EZH1: variants seen among roughly 807,000 people sequenced by gnomAD.
The protein encoded by EZH1 is histone-lysine N-methyltransferase EZH1.
In EZH1, 33 loss-of-function variants were observed where a neutral mutation model predicts 100.5. The observed-to-expected ratio is 0.33, with a 90% CI of 0.25 to 0.44. The LOEUF (loss-of-function observed/expected upper bound fraction) is 0.44, where lower values mean the gene tolerates loss of function less well. Ranked by LOEUF, EZH1 falls within the 20% of genes least tolerant of loss-of-function variation. The pLI, the probability that EZH1 is intolerant of heterozygous loss-of-function variation, is 1.00. For missense variants in EZH1, 475 were observed against 928.4 expected, an observed-to-expected ratio of 0.51 and a Z score of 6.35; for synonymous variants, 272 against 313.8, an observed-to-expected ratio of 0.87 and a Z score of 1.41.
At chr17:42,720,552 C>T in intron 6 of EZH1, 103 bp from the exon 7 acceptor site, 1 of 976,958 alleles carries the variant, frequency 1.0e-6, no homozygotes, top group Non-Finnish European at 1.5e-6. Context: ...AGATATGTCA[C>T]ATGTGTACAT....
intron 7 of EZH1, 47 bp downstream of exon 7, chr17:42,720,226 T>C (rs917877982): frequency 1.9e-6 from 3 of 1,567,538 alleles, no homozygotes; most frequent in Non-Finnish European, 2.6e-6. Flanking sequence ...CCTTCTTCCC[T>C]ATCCCTGTCA....
At chr17:42,725,822 A>C (rs1206020565) in intron 4 of EZH1, among the ~76,000 whole-genome samples, 2 of 152,214 alleles carry the variant, frequency 1.3e-5, no homozygotes, top group African/African-American at 4.8e-5. Context: ...AAAGTGGTAT[A>C]GAAATTATAG....
At chr17:42,711,152 A>G (rs1414392030) in intron 12 of EZH1, among the ~76,000 whole-genome samples, 1 of 151,990 alleles carries the variant, frequency 6.6e-6, no homozygotes, top group Non-Finnish European at 1.5e-5. Context: ...CCTGGCCAAC[A>G]TGGTGAAACC....
At chr17:42,714,677 GAA>G in intron 10 of EZH1, 1 of 240,536 alleles carries the variant, frequency 4.2e-6, no homozygotes. Context: ...TAATAAAAAT[GAA>G]AAAAAAATAA....
intron 5 of EZH1, among the ~76,000 whole-genome samples, chr17:42,723,387 G>C (rs2053755550): frequency 7.2e-6 from 1 of 139,438 alleles, no homozygotes. Flanking sequence ...AAAAAAAAAA[G>C]TTTCATAAGT....
intron 17 of EZH1, 50 bp from the exon 18 acceptor site, chr17:42,704,733 G>T (rs2053316009): frequency 6.7e-7 from 1 of 1,492,378 alleles, no homozygotes; most frequent in Non-Finnish European, 9.3e-7. Context: ...GCCTGCTCAG[G>T]GCATGGTACC....
Position 42,719,172 on chromosome 17 carries a change from C to T in EZH1, c.700G>A (p.Asp234Asn). ...GAGGCAATTGCACTGAAGATCATGT[C>T]ATTTGGGAACTGTTTCTTGGAACTC... The part of the protein sequence containing the change: ...KKSSKKQFPN[D>N]MIFSAIASMF... Residue 234 changes from aspartate (D) to asparagine (N), a missense_variant, in exon 8 of 21, where the codon GAC becomes AAC. Physicochemically the swap from Asp to Asn is conservative, Grantham distance 23. Around this residue, in one of 8 missense-constraint regions of EZH1, gnomAD observed 180 missense variants for 295.3 expected, o/e 0.61. Transcript: ENST00000428826. 6.2e-7 allele frequency: 1 copy of T among 1,613,922 alleles called. No individual in the cohort carries two copies. Among genetic ancestry groups the T allele is most frequent in the Non-Finnish European group, 8.5e-7 (1 of 1,179,896 alleles).
At chr17:42,732,638 G>A (rs1303256832) in intron 1 of EZH1, among the ~76,000 whole-genome samples, 4 of 152,042 alleles carry the variant, frequency 2.6e-5, no homozygotes, top group East Asian at 1.9e-4. Context: ...CGAGGTGGCG[G>A]GCGCCTGTAG....
At position 42,722,791 on chromosome 17, in the gene EZH1, C is replaced by T; in HGVS notation, c.487+4G>A. 10 of 1,613,062 alleles carry T rather than the reference C, an allele frequency of 6.2e-6. No homozygotes were observed. Among genetic ancestry groups the T allele is most frequent in the Non-Finnish European group, 8.5e-6 (10 of 1,179,730 alleles). ...ATTTTCTCCAAGGAGTTCAGTACCA[C>T]TACCTTCTTCACCATGGACTTTCCC... is the stretch of plus-strand genomic sequence containing the variant. On this transcript the variant is annotated splice_donor_region_variant and intron_variant, in intron 6 of 20. Transcript: ENST00000428826.
rs914646123 is a variant in EZH1, at chr17:42,745,019, C to A, written c.-111G>T. 1 of 1,272,928 alleles carries A rather than the reference C, an allele frequency of 7.9e-7. No individual in the cohort carries two copies. Among genetic ancestry groups the A allele is most frequent in the Admixed American group, 2.4e-5 (1 of 41,610 alleles). The allele number at this position is 1,272,928 out of a possible 1,614,324, so 78.9% of individuals were successfully genotyped here. On this transcript the variant is annotated 5_prime_UTR_variant, in exon 1 of 21. Transcript: ENST00000428826. ...CTTGTTTACTCACTCACCCTCCATC[C>A]CGAGCCGCGGGTCCCGCTGCTAGGA...
intron 18 of EZH1, 26 bp from the exon 19 acceptor site, chr17:42,703,846 C>T: frequency 6.5e-7 from 1 of 1,538,720 alleles, no homozygotes; most frequent in Non-Finnish European, 9.0e-7. Flanking sequence ...CAAGGAAAAC[C>T]ATAAGCACAG....
intron 1 of EZH1, among the ~76,000 whole-genome samples, chr17:42,733,809 C>T (rs1389094779): frequency 2.0e-5 from 3 of 151,058 alleles, no homozygotes; most frequent in Non-Finnish European, 4.4e-5. Flanking sequence ...GGCATGGTGG[C>T]GGGTGCCTGT....
intron 16 of EZH1, among the ~76,000 whole-genome samples, chr17:42,705,428 T>C (rs577079891): frequency 1.4e-4 from 21 of 152,272 alleles, no homozygotes; most frequent in South Asian, 6.2e-4. Flanking sequence ...CCTTAGTCTA[T>C]AGGAATTCAC....
chr17:42,718,128 C>A lies in EZH1; in HGVS notation c.932-61G>T. The A allele has an allele frequency of 3.5e-6, 5 of 1,429,370 alleles. No homozygotes were observed. The highest frequency in any genetic ancestry group is 2.9e-6 in the Non-Finnish European group (3 of 1,018,022). 88.5% of individuals were successfully genotyped at this position (1,429,370 alleles called of 1,614,324 possible). On this transcript the variant is annotated intron_variant, in intron 9 of 20. Coordinates refer to ENST00000428826, the MANE Select transcript of EZH1 (RefSeq NM_001991.5). This position sits in a 1 kb window ranked among gnomAD's most constrained non-coding sequence, Gnocchi z 4.2. ...ATCCACTTGACAAGATGGGGAGAAA[C>A]AAAAGTGAATTAGAGAGCTATTGTA...
At chr17:42,744,427 AC>A (rs1161133309) in intron 1 of EZH1, among the ~76,000 whole-genome samples, 2 of 152,054 alleles carry the variant, frequency 1.3e-5, no homozygotes, top group African/African-American at 2.4e-5. Flanking sequence ...CGACCGAGGC[AC>A]CCAGGACGCA....
intron 12 of EZH1, among the ~76,000 whole-genome samples, chr17:42,710,629 GTTTT>G (rs1205688200): frequency 1.4e-5 from 2 of 139,946 alleles, no homozygotes; most frequent in African/African-American, 5.3e-5. Context: ...GTTTTTGTTT[GTTTT>G]TTTTTTTTTT....
At chr17:42,733,253 C>T (rs1419921687) in intron 1 of EZH1, among the ~76,000 whole-genome samples, 6 of 149,204 alleles carry the variant, frequency 4.0e-5, no homozygotes, top group African/African-American at 1.2e-4. Context: ...AGGAGAATTG[C>T]TTGAACCTGG....
intron 7 of EZH1, 28 bp downstream of exon 7, chr17:42,720,245 A>G (rs2143795332): frequency 6.3e-7 from 1 of 1,591,026 alleles, no homozygotes; most frequent in East Asian, 2.2e-5. Context: ...CACTTTAAAA[A>G]AGGAATAAGG....
Position 42,718,292 on chromosome 17 carries a change from G to T in EZH1, c.931+162C>A. The stretch of plus-strand genomic sequence containing the variant: ...AGTTAGTCTGTCCCTATCATGCAAA[G>T]CATGTTGCACTATAATTGAGCAAGG... On this transcript the variant is annotated intron_variant, in intron 9 of 20. Transcript: ENST00000428826. This position sits in a 1 kb window ranked among gnomAD's most constrained non-coding sequence, Gnocchi z 4.2. 1.0e-6 allele frequency: 1 copy of T among 983,708 alleles called. No homozygotes were observed. The highest frequency in any genetic ancestry group is 1.7e-5 in the South Asian group (1 of 59,928). The allele number at this position is 983,708 out of a possible 1,614,324, so 60.9% of individuals were successfully genotyped here. A position where few individuals can be genotyped will look rare whatever the true frequency, so the allele number is the denominator to read the frequency against.
Sources: gnomAD v4.1 joint callset for allele counts (sites outside exome capture counted in the v4.1 genomes callset) on GRCh38, gnomAD v4.1.1 for gene constraint, gnomAD v4.1.1 regional missense constraint, Gnocchi (gnomAD v3.1) non-coding constraint, MANE v1.5 for transcripts, NCBI Gene and HGNC (gene_info 2026-07-23, HGNC 2026-07-21) for gene names.